WDR20: variants seen among roughly 807,000 people sequenced by gnomAD.
The protein encoded by WDR20 is WD repeat domain 20.
A neutral mutation model predicts 38.7 loss-of-function variants in WDR20; 3 were observed. The ratio of observed to expected loss-of-function variants is 0.08; its 90% CI spans 0.04 to 0.20. The LOEUF (loss-of-function observed/expected upper bound fraction) is 0.20. Ranked by LOEUF, WDR20 falls within the 10% of genes least tolerant of loss-of-function variation. WDR20 has a pLI of 1.00. For missense variants in WDR20, 559 were observed against 727.7 expected, an observed-to-expected ratio of 0.77 and a Z score of 2.67; for synonymous variants, 298 against 285.6, an observed-to-expected ratio of 1.04 and a Z score of -0.44.
chr14:102,160,579 C>T (rs1596026279), intron 1 of WDR20, among the ~76,000 whole-genome samples: 3 of 152,146 alleles, frequency 2.0e-5, no homozygotes, highest in East Asian at 3.9e-4. Flanking sequence ...TTGCTTTGTA[C>T]TCCATGCTGT....
chr14:102,140,566 C>T (rs1265092326), intron 1 of WDR20, among the ~76,000 whole-genome samples: 6 of 152,136 alleles, frequency 3.9e-5, no homozygotes, highest in Non-Finnish European at 8.8e-5. Context: ...TTGGAAGTCT[C>T]GCCCTGGGTT....
At chr14:102,211,190 T>C (rs2062478351), downstream of WDR20, among the ~76,000 whole-genome samples, 1 of 149,272 alleles carries the variant, frequency 6.7e-6, no homozygotes. The surrounding 1 kb of genome is among the most constrained non-coding windows in gnomAD (Gnocchi z 4.2). Context: ...ATGGTGGTTA[T>C]CTTACTTGTT....
intron 2 of WDR20, among the ~76,000 whole-genome samples, chr14:102,204,784 T>C (rs565432984): frequency 6.6e-6 from 1 of 152,268 alleles, no homozygotes; most frequent in Non-Finnish European, 1.5e-5. Flanking sequence ...GTAGGTACAT[T>C]ACTCACACAT....
At chr14:102,143,002 A>G (rs962836745) in intron 1 of WDR20, among the ~76,000 whole-genome samples, 2 of 152,112 alleles carry the variant, frequency 1.3e-5, no homozygotes, top group Non-Finnish European at 2.9e-5. Flanking sequence ...GAAGTAGTCT[A>G]ACGTTCATGC....
In WDR20 at chr14:102,188,090, C is replaced by T. The variant is rs904422098; in HGVS notation, c.250-6848C>T. ...AAAATAAAACTACCTTTATTACCTA[C>T]ACTATTTCCACCTGATTCATTTAAA... On this transcript the variant is annotated intron_variant, in intron 1 of 2. Coordinates refer to ENST00000342702, the MANE Select transcript of WDR20 (RefSeq NM_144574.4). Among the ~76,000 whole-genome samples the T allele has an allele frequency of 4.6e-5, 7 of 152,306 alleles. No homozygotes were observed. In the East Asian group the frequency reaches 1.4e-3, roughly 29 times the overall value.
chr14:102,193,869 G>C (rs1407970009), intron 1 of WDR20, among the ~76,000 whole-genome samples: 1 of 151,540 alleles, frequency 6.6e-6, no homozygotes, highest in South Asian at 2.1e-4. Context: ...GTCTCCACTG[G>C]AGATTTTCAG....
At chr14:102,178,146 C>A (rs546395503) in intron 1 of WDR20, among the ~76,000 whole-genome samples, 86 of 152,174 alleles carry the variant, frequency 5.7e-4, no homozygotes, top group African/African-American at 1.9e-3. Context: ...AATCCCAGCA[C>A]TTTGGGAGGC....
chr14:102,140,128 G>T lies in WDR20; in HGVS notation c.205G>T (p.Val69Leu). Residue 69 changes from valine (V) to leucine (L), a missense_variant, in exon 1 of 3, where the codon GTG becomes TTG. By Grantham distance (32) the Val-to-Leu change is conservative. Coordinates refer to ENST00000342702, the MANE Select transcript of WDR20 (RefSeq NM_144574.4). ...CAACGGCGACCGCCTCTGCTTCAATGTGGGCCGGGAGCTGTACTTCTATAT... is the reference window on the plus strand; with the variant it reads ...CAACGGCGACCGCCTCTGCTTCAATTTGGGCCGGGAGCTGTACTTCTATAT... Reference protein sequence around the residue: ...SGNGDRLCFNVGRELYFYIYK... With the variant: ...SGNGDRLCFNLGRELYFYIYK... 1.2e-6 allele frequency: 2 copies of T among 1,614,028 alleles called. No individual in the cohort carries two copies. Among genetic ancestry groups the T allele is most frequent in the Non-Finnish European group, 1.7e-6 (2 of 1,180,042 alleles).
intron 1 of WDR20, among the ~76,000 whole-genome samples, chr14:102,190,134 C>T (rs1176682161): frequency 6.6e-6 from 1 of 151,624 alleles, no homozygotes; most frequent in Non-Finnish European, 1.5e-5. Context: ...AAGAGCACAG[C>T]CTCATGACCC....
chr14:102,214,839 T>C, downstream of WDR20: 2 of 983,944 alleles, frequency 2.0e-6, no homozygotes, highest in African/African-American at 1.7e-5. Context: ...TATTGTTTTA[T>C]AATTTTAAGG....
Position 102,209,801 on chromosome 14 carries a change from A to G in WDR20, c.1631A>G (p.Asp544Gly). The G allele has an allele frequency of 6.2e-7, 1 of 1,613,990 alleles. No individual in the cohort carries two copies. Among genetic ancestry groups the G allele is most frequent in the Non-Finnish European group, 8.5e-7 (1 of 1,180,036 alleles). Residue 544 changes from aspartate to glycine, a missense_variant, in exon 3 of 3, where the codon GAC becomes GGC. Transcript: ENST00000342702. The surrounding 1 kb of genome is among the most constrained non-coding windows in gnomAD (Gnocchi z 6.0). Reference protein sequence around the residue: ...ERLTVLIFLEDCIVTACQEGF... With the variant: ...ERLTVLIFLEGCIVTACQEGF... The stretch of plus-strand genomic sequence containing the variant: ...CTGACTGTACTAATATTTCTTGAAG[A>G]CTGTATAGTCACTGCTTGTCAGGAG...
chr14:102,169,858 A>G (rs1433535269), intron 1 of WDR20, among the ~76,000 whole-genome samples: 1 of 152,170 alleles, frequency 6.6e-6, no homozygotes, highest in Non-Finnish European at 1.5e-5. Flanking sequence ...GAAAGTCTGC[A>G]TTGGGAATTA....
At chr14:102,223,127 C>T (rs1208436724) in exon 4 of WDR20, 1 of 388,686 alleles carries the variant, frequency 2.6e-6, no homozygotes, top group Non-Finnish European at 4.6e-6. Context: ...ATGGAGTTTT[C>T]TTGCTTTTTA....
Position 102,222,787 on chromosome 14 carries a change from G to C in WDR20, c.1693-43G>C. ...AGGGCGCGCATGGTGGCTGTTGCCCGTCCGGTGTTTTGCTGGATTAATGTA... is the reference window on the plus strand; with the variant it reads ...AGGGCGCGCATGGTGGCTGTTGCCCCTCCGGTGTTTTGCTGGATTAATGTA... On this transcript the variant is annotated intron_variant, in intron 3 of 3. Coordinates refer to the WDR20 transcript ENST00000335263. The surrounding 1 kb of genome is among the most constrained non-coding windows in gnomAD (Gnocchi z 4.4). 1 of 1,612,492 alleles carries C rather than the reference G, an allele frequency of 6.2e-7. No individual in the cohort carries two copies. The highest frequency in any genetic ancestry group is 8.5e-7 in the Non-Finnish European group (1 of 1,178,720).
chr14:102,145,731 A>C (rs975841468), intron 1 of WDR20, among the ~76,000 whole-genome samples: 3 of 152,074 alleles, frequency 2.0e-5, no homozygotes, highest in African/African-American at 4.8e-5. Flanking sequence ...TAATCGTGCC[A>C]CTGCACTCCA....
chr14:102,209,100 A>G lies in WDR20; in HGVS notation c.930A>G (p.Val310=). The G allele has an allele frequency of 6.2e-7, 1 of 1,614,138 alleles. No homozygotes were observed. The highest frequency in any genetic ancestry group is 8.5e-7 in the Non-Finnish European group (1 of 1,180,024). Residue 310 remains valine (V), a synonymous_variant, in exon 3 of 3, where the codon GTA becomes GTG. Transcript: ENST00000342702. This position sits in a 1 kb window ranked among gnomAD's most constrained non-coding sequence, Gnocchi z 6.0. ...GHGHKSWVSV[V]AFDPYTTSVE... is the part of the protein sequence containing the mutation. ...GGCACAAGTCCTGGGTCAGTGTTGT[A>G]GCGTTTGACCCTTATACCACTAGTG...
rs188985116 is a variant in WDR20, at chr14:102,180,246, C to T, written c.250-14692C>T. Among the ~76,000 whole-genome samples the T allele has an allele frequency of 1.3e-3, 202 of 152,308 alleles. 1 individual carries two copies. The highest frequency in any genetic ancestry group is 2.4e-3 in the Admixed American group (36 of 15,296). The stretch of plus-strand genomic sequence containing the variant: ...TACATATTTTAACTCCTTTAATCCT[C>T]GAACGCTGCCTGTAGCAGGGTCACT... On this transcript the variant is annotated intron_variant, in intron 1 of 2. Coordinates refer to ENST00000342702, the MANE Select transcript of WDR20 (RefSeq NM_144574.4).
In WDR20 at chr14:102,155,935, T is replaced by A. The variant is rs189563353; in HGVS notation, c.249+15763T>A. The stretch of plus-strand genomic sequence containing the variant: ...GTCTACATGAAGCTTGGCTAATTTT[T>A]AATTTTTTTTTTTTTTTTTTGTGGA... On this transcript the variant is annotated intron_variant, in intron 1 of 2. Transcript: ENST00000342702. Among the ~76,000 whole-genome samples, 1,070 of 150,996 alleles carry A rather than the reference T, an allele frequency of 7.1e-3. 15 individuals carry two copies. The highest frequency in any genetic ancestry group is 0.024 in the African/African-American group (1,000 of 41,156).
At chr14:102,184,350 G>A (rs1172228092) in intron 1 of WDR20, among the ~76,000 whole-genome samples, 1 of 152,182 alleles carries the variant, frequency 6.6e-6, no homozygotes, top group Non-Finnish European at 1.5e-5. Flanking sequence ...TGTTTTTTAA[G>A]TTCATCTTTA....
Sources: gnomAD v4.1 joint callset for allele counts (sites outside exome capture counted in the v4.1 genomes callset) on GRCh38, gnomAD v4.1.1 for gene constraint, Gnocchi (gnomAD v3.1) non-coding constraint, MANE v1.5 for transcripts, NCBI Gene and HGNC (gene_info 2026-07-23, HGNC 2026-07-21) for gene names.